LRRC18: variants seen among roughly 807,000 people sequenced by gnomAD.
LRRC18 encodes the protein leucine rich repeat containing 18, also known as leucine-rich repeat-containing protein 18.
In LRRC18, 12 loss-of-function variants were observed where a neutral mutation model predicts 11.2. That is an observed-to-expected ratio of 1.07 (90% CI 0.69 to 1.74). The LOEUF (loss-of-function observed/expected upper bound fraction) is 1.74, where lower values mean the gene tolerates loss of function less well. Ranked by LOEUF, LRRC18 falls within the 40% of genes most tolerant of loss-of-function variation. The pLI is 0.00. For synonymous variants in LRRC18, 155 were observed against 130.6 expected (o/e 1.19, Z -1.27); for missense variants, 374 against 330.5 (o/e 1.13, Z -1.02).
the LRRC18 span, among the ~76,000 whole-genome samples, chr10:48,934,434 G>A: frequency 2.6e-5 from 4 of 152,312 alleles, no homozygotes; most frequent in Non-Finnish European, 5.9e-5. Flanking sequence ...GCTCAGGGAG[G>A]CTGAGAAACT....
chr10:48,927,646 G>A, the LRRC18 span, among the ~76,000 whole-genome samples: 1 of 152,118 alleles, frequency 6.6e-6, no homozygotes, highest in Non-Finnish European at 1.5e-5. Context: ...TCTATCCTTC[G>A]CACCAGCGTG....
chr10:48,928,353 CGTGT>C, the LRRC18 span, among the ~76,000 whole-genome samples: 5,070 of 124,980 alleles, frequency 0.041, 135 homozygotes, highest in African/African-American at 0.079. Context: ...TTGGTTTTGA[CGTGT>C]GTGTGTGTGT....
At chr10:48,910,428 T>A (rs41283289) in intron 1 of LRRC18, among the ~76,000 whole-genome samples, 170 bp from the exon 4 acceptor site, 1,928 of 152,318 alleles carry the variant, frequency 0.013, 12 homozygotes, top group Non-Finnish European at 0.019. Context: ...ACCCAAGGCT[T>A]TCCTATGAAG....
chr10:48,916,822 T>C (rs1056579984), upstream of LRRC18, among the ~76,000 whole-genome samples: 1 of 63,180 alleles, frequency 1.6e-5, no homozygotes, highest in African/African-American at 4.8e-5. Context: ...AATAACCTAC[T>C]ACAGACCCCT....
the LRRC18 span, among the ~76,000 whole-genome samples, chr10:48,927,191 G>A: frequency 9.9e-5 from 15 of 152,236 alleles, no homozygotes; most frequent in African/African-American, 3.4e-4. Context: ...AACAGCAGCC[G>A]TCTCTATGTG....
At chr10:48,927,463 C>T in the LRRC18 span, among the ~76,000 whole-genome samples, 4 of 152,244 alleles carry the variant, frequency 2.6e-5, no homozygotes, top group East Asian at 1.9e-4. Flanking sequence ...CTTCCCATTA[C>T]GTCAAAACTT....
chr10:48,938,571 G>A, the LRRC18 span, among the ~76,000 whole-genome samples: 15 of 152,348 alleles, frequency 9.8e-5, no homozygotes, highest in South Asian at 4.1e-4. Flanking sequence ...GTAGGGTGGA[G>A]GTGCTGTTTG....
At chr10:48,922,318 T>C in the LRRC18 span, among the ~76,000 whole-genome samples, 3 of 152,358 alleles carry the variant, frequency 2.0e-5, no homozygotes, top group East Asian at 5.8e-4. Context: ...TAGCTGCCTG[T>C]TCGTCACTTA....
At chr10:48,915,756 G>A (rs191658368), upstream of LRRC18, among the ~76,000 whole-genome samples, 22 of 152,280 alleles carry the variant, frequency 1.4e-4, no homozygotes, top group African/African-American at 4.3e-4. Context: ...GATCACAGCC[G>A]CCTGGGATAG....
chr10:48,910,126 T>A, exon 2 of LRRC18: 1 of 1,058,856 alleles, frequency 9.4e-7, no homozygotes. Context: ...GCGAGCCTGG[T>A]TTCCAGAACA....
chr10:48,914,334 G>A (rs1404517380), upstream of LRRC18: 6 of 673,186 alleles, frequency 8.9e-6, no homozygotes, highest in Non-Finnish European at 1.5e-5. Flanking sequence ...AAGCAAGAAA[G>A]AGGATTGCGG....
At chr10:48,931,814 C>T in the LRRC18 span, among the ~76,000 whole-genome samples, 1 of 152,202 alleles carries the variant, frequency 6.6e-6, no homozygotes, top group Non-Finnish European at 1.5e-5. Context: ...GACACTGCCT[C>T]CAATAAGAGA....
At chr10:48,936,856 A>G in the LRRC18 span, among the ~76,000 whole-genome samples, 2 of 151,680 alleles carry the variant, frequency 1.3e-5, no homozygotes, top group Non-Finnish European at 2.9e-5. Context: ...AAAAAAGAAA[A>G]AAAAAGAAAA....
chr10:48,918,227 C>A (rs1838728991), upstream of LRRC18, among the ~76,000 whole-genome samples: 1 of 152,136 alleles, frequency 6.6e-6, no homozygotes, highest in South Asian at 2.1e-4. Flanking sequence ...GAAACTCAAA[C>A]ATAGCAATAC....
chr10:48,923,042 T>A, the LRRC18 span, among the ~76,000 whole-genome samples: 1 of 152,212 alleles, frequency 6.6e-6, no homozygotes, highest in African/African-American at 2.4e-5. Context: ...GAAACATTTT[T>A]AAAAAATCGT....
chr10:48,921,341 G>A, the LRRC18 span, among the ~76,000 whole-genome samples: 1 of 151,980 alleles, frequency 6.6e-6, no homozygotes. Flanking sequence ...ATTGATTTTT[G>A]AAAAAAGGTC....
the LRRC18 span, among the ~76,000 whole-genome samples, chr10:48,928,396 G>GTA: frequency 6.7e-6 from 1 of 149,264 alleles, no homozygotes; most frequent in Non-Finnish European, 1.5e-5. Context: ...GTGTGTGTGT[G>GTA]TTGGTGGGGG....
chr10:48,922,108 C>T, the LRRC18 span, among the ~76,000 whole-genome samples: 2 of 152,150 alleles, frequency 1.3e-5, no homozygotes, highest in South Asian at 4.2e-4. Context: ...TACAGTAGTC[C>T]CCCTTATCTG....
the LRRC18 span, among the ~76,000 whole-genome samples, chr10:48,931,130 C>T: frequency 1.4e-3 from 212 of 146,260 alleles, no homozygotes; most frequent in Non-Finnish European, 2.5e-3. Flanking sequence ...CACACACACA[C>T]GATTCCGCTT....
Sources: allele counts gnomAD v4.1 joint callset (sites outside exome capture counted in the v4.1 genomes callset), GRCh38; gene constraint gnomAD v4.1.1; transcripts MANE v1.5; gene names NCBI Gene and HGNC (gene_info 2026-07-23, HGNC 2026-07-21).